The following THEMIS variants were observed in gnomAD, a reference collection of about 807,000 sequenced individuals.
The protein encoded by THEMIS is protein THEMIS.
Under a neutral mutation model 52.6 loss-of-function variants are expected in THEMIS, and 37 were observed. The observed-to-expected ratio is 0.70, with a 90% CI of 0.54 to 0.93. The LOEUF is 0.93. Ranked by LOEUF, THEMIS falls within the 40% of genes least tolerant of loss-of-function variation. The pLI is 0.00. For synonymous variants in THEMIS, 292 were observed against 272.7 expected, an observed-to-expected ratio of 1.07 and a Z score of -0.70; for missense variants, 808 against 763.1, an observed-to-expected ratio of 1.06 and a Z score of -0.69.
At chr6:127,802,124 T>C (rs1279692379) in intron 4 of THEMIS, among the ~76,000 whole-genome samples, 2 of 152,124 alleles carry the variant, frequency 1.3e-5, no homozygotes, top group East Asian at 1.9e-4. Flanking sequence ...TGTGAGCAAG[T>C]TGGAAATGCC....
the THEMIS span, among the ~76,000 whole-genome samples, chr6:127,697,212 G>A: frequency 3.0e-4 from 46 of 152,222 alleles, no homozygotes; most frequent in Middle Eastern, 3.4e-3. Context: ...AACTCCATTT[G>A]AATGGACCAA....
chr6:127,916,764 G>A (rs985276838), intron 1 of THEMIS, among the ~76,000 whole-genome samples: 1 of 152,176 alleles, frequency 6.6e-6, no homozygotes, highest in Non-Finnish European at 1.5e-5. Flanking sequence ...TTTTGCTTAA[G>A]CCAGAGTCGG....
chr6:127,744,993 TAC>T (rs774316143), intron 4 of THEMIS, among the ~76,000 whole-genome samples: 4 of 151,952 alleles, frequency 2.6e-5, no homozygotes, highest in African/African-American at 4.8e-5. Flanking sequence ...CTTAAATATG[TAC>T]AGTTTTATTG....
downstream of THEMIS, among the ~76,000 whole-genome samples, chr6:127,705,085 G>A (rs953650250): frequency 2.6e-5 from 4 of 152,174 alleles, no homozygotes; most frequent in Non-Finnish European, 5.9e-5. Context: ...TCCTTGGCAA[G>A]TGGCTTTAAT....
intron 4 of THEMIS, among the ~76,000 whole-genome samples, chr6:127,739,525 C>T (rs1775123922): frequency 6.6e-6 from 1 of 152,078 alleles, no homozygotes; most frequent in Non-Finnish European, 1.5e-5. Context: ...CCTGTAGTCG[C>T]AGCTGCTAGG....
intron 4 of THEMIS, among the ~76,000 whole-genome samples, chr6:127,799,554 TCTTTC>T: frequency 2.7e-5 from 1 of 37,522 alleles, no homozygotes; most frequent in Non-Finnish European, 6.8e-5. Context: ...TTTCTTTCTA[TCTTTC>T]TTTCTTTCTT....
chr6:127,844,098 TG>T (rs1252137336), intron 2 of THEMIS, among the ~76,000 whole-genome samples: 1 of 151,992 alleles, frequency 6.6e-6, no homozygotes, highest in African/African-American at 2.4e-5. Context: ...GTAGTAAATG[TG>T]GATATTGAAC....
At chr6:127,715,861 A>C (rs998719621) in intron 5 of THEMIS, among the ~76,000 whole-genome samples, 2 of 151,888 alleles carry the variant, frequency 1.3e-5, no homozygotes, top group African/African-American at 2.4e-5. Flanking sequence ...CTGACAGGGC[A>C]TACAGATTAT....
At chr6:127,909,118 A>G (rs180980148) in intron 1 of THEMIS, among the ~76,000 whole-genome samples, 5 of 152,090 alleles carry the variant, frequency 3.3e-5, no homozygotes, top group African/African-American at 9.6e-5. Flanking sequence ...TAGTAAATTC[A>G]ACTTAGGATA....
In THEMIS at chr6:127,731,864, A is replaced by ATTTTTTTTTTTTTTTTTTTTTTTTT. The variant is rs58263706; in HGVS notation, c.1759-12042_1759-12041insAAAAAAAAAAAAAAAAAAAAAAAAA. Among the ~76,000 whole-genome samples, 132 of 41,696 alleles carry ATTTTTTTTTTTTTTTTTTTTTTTTT rather than the reference A, an allele frequency of 3.2e-3. 29 individuals are homozygous for ATTTTTTTTTTTTTTTTTTTTTTTTT. Among genetic ancestry groups the ATTTTTTTTTTTTTTTTTTTTTTTTT allele is most frequent in the Non-Finnish European group, 3.4e-3 (90 of 26,192 alleles). 27.4% of individuals were successfully genotyped at this position (41,696 alleles called of 152,430 possible). A position where few individuals can be genotyped will look rare whatever the true frequency, so the allele number is the denominator to read the frequency against. ...AGGTGCATGCCACCATGCCCGGCTA[A>ATTTTTTTTTTTTTTTTTTTTTTTTT]TTTTTTTTTTTTTTTTTTTTTTTAG... On this transcript the variant is annotated intron_variant, in intron 4 of 5. Coordinates refer to ENST00000368248, the MANE Select transcript of THEMIS (RefSeq NM_001010923.3).
chr6:127,780,806 T>C (rs1297820478), intron 4 of THEMIS, among the ~76,000 whole-genome samples: 1 of 152,154 alleles, frequency 6.6e-6, no homozygotes, highest in Admixed American at 6.5e-5. Context: ...TAACCCAACC[T>C]TTCTGGTTGC....
intron 2 of THEMIS, among the ~76,000 whole-genome samples, chr6:127,835,081 T>C (rs1376724347): frequency 1.3e-5 from 2 of 152,170 alleles, no homozygotes; most frequent in East Asian, 1.9e-4. Context: ...TGCAGAGCAC[T>C]GTTCCTTGTG....
intron 4 of THEMIS, among the ~76,000 whole-genome samples, chr6:127,743,886 G>A (rs532364421): frequency 8.6e-5 from 13 of 152,018 alleles, no homozygotes; most frequent in Non-Finnish European, 1.8e-4. Context: ...GTTAAAGTGC[G>A]ACTCACTAAT....
chr6:127,703,035 G>GTTGT, the THEMIS span, among the ~76,000 whole-genome samples: 2 of 82,352 alleles, frequency 2.4e-5, no homozygotes, highest in African/African-American at 1.1e-4. Context: ...TTTAGAATGA[G>GTTGT]TTTTTTTTTT....
In THEMIS at chr6:127,828,827, G is replaced by A. The variant is rs1365728520; in HGVS notation, c.709+649C>T. Among the ~76,000 whole-genome samples the A allele has an allele frequency of 3.3e-5, 5 of 152,142 alleles. No individual in the cohort carries two copies. The East Asian group carries it at 5.8e-4, about 18-fold the overall frequency. On this transcript the variant is annotated intron_variant, in intron 3 of 5. Transcript: ENST00000368248. Reference sequence around the variant, plus strand: ...AAATTAGCTGAACATGGTGGCGGGTGCCTGTAGTCCCAGCTACTTGGGAGG... The same window carrying A: ...AAATTAGCTGAACATGGTGGCGGGTACCTGTAGTCCCAGCTACTTGGGAGG...
At chr6:127,901,903 A>T (rs1781143426), upstream of THEMIS, among the ~76,000 whole-genome samples, 1 of 152,120 alleles carries the variant, frequency 6.6e-6, no homozygotes, top group Non-Finnish European at 1.5e-5. Flanking sequence ...GAAGCAGGAG[A>T]AAACTCATGA....
intron 4 of THEMIS, among the ~76,000 whole-genome samples, chr6:127,791,747 C>T (rs1777165087): frequency 6.6e-6 from 1 of 152,120 alleles, no homozygotes; most frequent in South Asian, 2.1e-4. Context: ...CCCACCTCAC[C>T]CTCCCTCCCA....
At chr6:127,757,219 T>C (rs2114366868) in intron 4 of THEMIS, among the ~76,000 whole-genome samples, 1 of 152,310 alleles carries the variant, frequency 6.6e-6, no homozygotes, top group South Asian at 2.1e-4. Flanking sequence ...ATCTACAGCG[T>C]ATTATGCCAC....
intron 1 of THEMIS, among the ~76,000 whole-genome samples, chr6:127,889,933 G>T (rs156061): frequency 0.15 from 22,529 of 152,076 alleles, 2,073 homozygotes; most frequent in Middle Eastern, 0.22. Context: ...GAGAATTAAA[G>T]ATTGCAGGCC....
Sources: gnomAD v4.1 joint callset for allele counts (sites outside exome capture counted in the v4.1 genomes callset) on GRCh38, gnomAD v4.1.1 for gene constraint, MANE v1.5 for transcripts, NCBI Gene and HGNC (gene_info 2026-07-23, HGNC 2026-07-21) for gene names.